Variants in MLIP observed in about 807,000 individuals in gnomAD.
The protein encoded by MLIP is muscular LMNA interacting protein.
In MLIP, 79 loss-of-function variants were observed where a neutral mutation model predicts 84.8. That is an observed-to-expected ratio of 0.93 (90% CI 0.78 to 1.12). The LOEUF (loss-of-function observed/expected upper bound fraction) is 1.12, where lower values mean the gene tolerates loss of function less well. Ranked by LOEUF, MLIP falls within the 50% of genes most tolerant of loss-of-function variation. MLIP has a pLI of 0.00. For missense variants in MLIP, 1,257 were observed against 1,160.6 expected (o/e 1.08, Z -1.21); for synonymous variants, 504 against 463.0 (o/e 1.09, Z -1.14).
At chr6:54,198,037 GAAGAC>G (rs1778419954) in intron 10 of MLIP, among the ~76,000 whole-genome samples, 1 of 152,116 alleles carries the variant, frequency 6.6e-6, no homozygotes, top group African/African-American at 2.4e-5. Context: ...TCTGGAGACA[GAAGAC>G]AAGGCCAAAT....
chr6:54,151,964 A>G (rs1773492100), intron 5 of MLIP, among the ~76,000 whole-genome samples: 2 of 152,118 alleles, frequency 1.3e-5, no homozygotes, highest in Non-Finnish European at 2.9e-5. Context: ...GGCAGGGAAC[A>G]TGAGGTTTCT....
chr6:54,034,811 T>C (rs1167748193), intron 1 of MLIP, among the ~76,000 whole-genome samples: 3 of 152,180 alleles, frequency 2.0e-5, no homozygotes, highest in African/African-American at 7.2e-5. Flanking sequence ...TGTAGAGTAA[T>C]GTCCTAGGCC....
At chr6:54,249,631 G>A (rs901702162) in intron 12 of MLIP, among the ~76,000 whole-genome samples, 1 of 151,534 alleles carries the variant, frequency 6.6e-6, no homozygotes, top group Non-Finnish European at 1.5e-5. Context: ...AGTGTTTGGT[G>A]CACAACTGCT....
At chr6:54,074,155 G>GT (rs1175145252) in intron 1 of MLIP, among the ~76,000 whole-genome samples, 2 of 152,046 alleles carry the variant, frequency 1.3e-5, no homozygotes, top group East Asian at 1.9e-4. Flanking sequence ...AAAATGATGT[G>GT]TTTTTTTTGA....
At chr6:54,184,244 G>A (rs781558520) in intron 9 of MLIP, among the ~76,000 whole-genome samples, 1 of 152,138 alleles carries the variant, frequency 6.6e-6, no homozygotes, top group African/African-American at 2.4e-5. Context: ...GGGAAAAGAA[G>A]CATCTTAACG....
chr6:54,118,706 ACAAT>A (rs1266799461), intron 1 of MLIP, among the ~76,000 whole-genome samples: 3 of 152,234 alleles, frequency 2.0e-5, no homozygotes, highest in African/African-American at 4.8e-5. Context: ...AGCAAGGGAA[ACAAT>A]CAACAGAGTG....
chr6:54,100,273 T>G (rs1208476436), intron 1 of MLIP, among the ~76,000 whole-genome samples: 1 of 147,740 alleles, frequency 6.8e-6, no homozygotes, highest in Non-Finnish European at 1.5e-5. Flanking sequence ...TTTATTTTAA[T>G]TTGTGGACAA....
Position 54,121,439 on chromosome 6 carries a change from T to C in MLIP, c.97-8T>C. 1 of 1,613,496 alleles carries C rather than the reference T, an allele frequency of 6.2e-7. No homozygotes were observed. The highest frequency in any genetic ancestry group is 8.5e-7 in the Non-Finnish European group (1 of 1,179,870). Reference sequence around the variant, plus strand: ...GGCTGAAAGTCTAATTAACTACATGTCTCATAGGTCTCTGCTGGTGGTTCT... The same window carrying C: ...GGCTGAAAGTCTAATTAACTACATGCCTCATAGGTCTCTGCTGGTGGTTCT... On this transcript the variant is annotated splice_polypyrimidine_tract_variant and splice_region_variant and intron_variant, in intron 1 of 13. Transcript: ENST00000502396.
intron 12 of MLIP, among the ~76,000 whole-genome samples, chr6:54,241,938 A>G (rs1035648370): frequency 5.9e-5 from 9 of 152,216 alleles, no homozygotes; most frequent in African/African-American, 1.9e-4. Context: ...AGGGAGAATC[A>G]TCTATTAGAA....
At chr6:54,216,664 A>C (rs1405825624) in intron 11 of MLIP, 1 of 982,624 alleles carries the variant, frequency 1.0e-6, no homozygotes, top group East Asian at 1.1e-4. Flanking sequence ...TTCATACTTC[A>C]CAAGTTCAAA....
intron 1 of MLIP, among the ~76,000 whole-genome samples, chr6:54,099,055 A>G (rs1768440372): frequency 6.6e-6 from 1 of 152,212 alleles, no homozygotes; most frequent in Non-Finnish European, 1.5e-5. Context: ...TATTCTTCTG[A>G]TATAAAATCT....
intron 8 of MLIP, among the ~76,000 whole-genome samples, chr6:54,161,589 T>C (rs1046346811): frequency 6.6e-6 from 1 of 151,878 alleles, no homozygotes; most frequent in African/African-American, 2.4e-5. Context: ...TCCTTGGAAT[T>C]AGTATACTTT....
chr6:54,239,804 A>G (rs991724466), intron 12 of MLIP, among the ~76,000 whole-genome samples: 4 of 151,792 alleles, frequency 2.6e-5, no homozygotes, highest in Non-Finnish European at 5.9e-5. Context: ...AAAATAAAAA[A>G]TAAAATAAAA....
chr6:54,057,573 C>A (rs900414318), intron 1 of MLIP, among the ~76,000 whole-genome samples: 2 of 152,156 alleles, frequency 1.3e-5, no homozygotes, highest in Non-Finnish European at 2.9e-5. Flanking sequence ...CCTTCTCAAA[C>A]TTTTCTCCTT....
intron 1 of MLIP, chr6:54,028,844 TG>T (rs2150277870): frequency 6.6e-6 from 1 of 152,370 alleles, no homozygotes; most frequent in Non-Finnish European, 1.5e-5. Context: ...TCCTTGACTC[TG>T]GCACCCTCCA....
chr6:54,182,658 C>A (rs543797457), intron 9 of MLIP, among the ~76,000 whole-genome samples: 1 of 152,108 alleles, frequency 6.6e-6, no homozygotes, highest in South Asian at 2.1e-4. Context: ...ATTCTATGAA[C>A]TTTGTAGAGG....
At chr6:54,218,818 A>G (rs1017969384) in intron 11 of MLIP, among the ~76,000 whole-genome samples, 1 of 151,338 alleles carries the variant, frequency 6.6e-6, no homozygotes, top group Non-Finnish European at 1.5e-5. Flanking sequence ...AACTGGCCAC[A>G]TTTTCTTTTT....
chr6:54,072,730 A>G (rs901147534), intron 1 of MLIP, among the ~76,000 whole-genome samples: 1 of 152,134 alleles, frequency 6.6e-6, no homozygotes, highest in Non-Finnish European at 1.5e-5. Context: ...TAGAAACATC[A>G]AGTGTTGTCT....
At chr6:54,103,896 A>G (rs1170743268) in intron 1 of MLIP, among the ~76,000 whole-genome samples, 3 of 152,142 alleles carry the variant, frequency 2.0e-5, no homozygotes, top group Non-Finnish European at 4.4e-5. Context: ...CTAATGACAA[A>G]ACATTGGCTA....
Sources: gnomAD v4.1 joint callset for allele counts (sites outside exome capture counted in the v4.1 genomes callset) on GRCh38, gnomAD v4.1.1 for gene constraint, MANE v1.5 for transcripts, NCBI Gene and HGNC (gene_info 2026-07-23, HGNC 2026-07-21) for gene names.